Variants in NCOA2 observed in about 807,000 individuals in gnomAD.
NCOA2 encodes the protein class E basic helix-loop-helix protein 75.
NCOA2 carries 21 observed loss-of-function variants against 145.1 expected under a neutral mutation model. The observed-to-expected ratio is 0.14, with a 90% confidence interval of 0.10 to 0.21. The LOEUF is 0.21. NCOA2 is among the 10% of genes least tolerant of loss of function. NCOA2 has a pLI of 1.00. For synonymous variants in NCOA2, 619 were observed against 637.5 expected (o/e 0.97, Z 0.44); for missense variants, 1,472 against 1,837.6 (o/e 0.80, Z 3.64).
At chr8:70,152,787 A>AT (rs1811887646) in intron 11 of NCOA2, among the ~76,000 whole-genome samples, 1 of 152,258 alleles carries the variant, frequency 6.6e-6, no homozygotes. Flanking sequence ...ACTTCCTGTC[A>AT]TTAATAAGTT....
intron 1 of NCOA2, among the ~76,000 whole-genome samples, chr8:70,382,609 T>G (rs369010206): frequency 6.6e-6 from 1 of 152,204 alleles, no homozygotes; most frequent in African/African-American, 2.4e-5. Context: ...GGGAAGCTAG[T>G]AGATATCTAT....
chr8:70,430,794 C>T, the NCOA2 span, among the ~76,000 whole-genome samples: 2 of 152,140 alleles, frequency 1.3e-5, no homozygotes, highest in African/African-American at 4.8e-5. Flanking sequence ...AATGATTTTG[C>T]CGATTATTTT....
At chr8:70,114,948 G>A (rs1348411766) in intron 22 of NCOA2, among the ~76,000 whole-genome samples, 3 of 152,146 alleles carry the variant, frequency 2.0e-5, no homozygotes, top group African/African-American at 7.2e-5. Flanking sequence ...TAAAAAATGA[G>A]CTTAGAATAC....
intron 4 of NCOA2, among the ~76,000 whole-genome samples, chr8:70,212,902 T>C (rs377464517): frequency 4.6e-5 from 7 of 151,706 alleles, no homozygotes; most frequent in African/African-American, 1.7e-4. Flanking sequence ...GCAAACACGG[T>C]GAAACCCTGT....
rs1380669443 is a variant in NCOA2 at position 70,317,951 on chromosome 8, C to CA, written c.-76-21152dup. On this transcript the variant is annotated intron_variant, in intron 1 of 22. Transcript: ENST00000452400. ...AAAAAACAAAAAAAAATGAAGTTTT[C>CA]AAAAAAAATTGTTTATTGCCACTTT... Among the ~76,000 whole-genome samples, 5 of 151,782 alleles carry CA rather than the reference C, an allele frequency of 3.3e-5. No homozygotes were observed. In the East Asian group the frequency reaches 5.8e-4, roughly 18 times the overall value.
At chr8:70,249,857 G>A (rs547347015) in intron 2 of NCOA2, among the ~76,000 whole-genome samples, 20 of 150,448 alleles carry the variant, frequency 1.3e-4, no homozygotes, top group Admixed American at 4.7e-4. Flanking sequence ...CCAGCTACTC[G>A]GAGGCTAAGG....
intron 11 of NCOA2, among the ~76,000 whole-genome samples, chr8:70,152,450 T>C (rs2132119213): frequency 6.6e-6 from 1 of 152,344 alleles, no homozygotes; most frequent in East Asian, 1.9e-4. Flanking sequence ...CTACCACATC[T>C]GGAGAGAAAT....
intron 1 of NCOA2, among the ~76,000 whole-genome samples, chr8:70,317,856 T>A (rs1805731122): frequency 6.6e-6 from 1 of 152,038 alleles, no homozygotes; most frequent in Non-Finnish European, 1.5e-5. Flanking sequence ...GGCCAGGAAT[T>A]CGAGGCTGCA....
chr8:70,387,707 G>T, intron 1 of NCOA2, among the ~76,000 whole-genome samples: 1 of 151,778 alleles, frequency 6.6e-6, no homozygotes, highest in Non-Finnish European at 1.5e-5. Context: ...GGGGATAGAG[G>T]GGGAGGGCGG....
intron 2 of NCOA2, among the ~76,000 whole-genome samples, chr8:70,274,637 C>T (rs1428104871): frequency 6.6e-6 from 1 of 152,170 alleles, no homozygotes; most frequent in Non-Finnish European, 1.5e-5. Context: ...ATTCATATTA[C>T]AAATACAGTC....
intron 1 of NCOA2, among the ~76,000 whole-genome samples, chr8:70,352,901 T>C (rs1420288491): frequency 6.6e-6 from 1 of 152,174 alleles, no homozygotes; most frequent in Non-Finnish European, 1.5e-5. Flanking sequence ...AATCTGGCCA[T>C]CCTGGCAGCA....
At chr8:70,172,637 G>A (rs1478598296) in intron 5 of NCOA2, among the ~76,000 whole-genome samples, 1 of 152,226 alleles carries the variant, frequency 6.6e-6, no homozygotes, top group East Asian at 1.9e-4. Context: ...CTGTGTGCAA[G>A]TGTGTGCACT....
the NCOA2 span, among the ~76,000 whole-genome samples, chr8:70,441,812 GAAAGAAGAAAGAAGA>G: frequency 6.2e-3 from 868 of 140,198 alleles, 6 homozygotes; most frequent in African/African-American, 0.021. Flanking sequence ...AAGAAAGAAA[GAAAGAAGAAAGAAGA>G]AAGAAAGAAA....
intron 4 of NCOA2, among the ~76,000 whole-genome samples, chr8:70,203,707 C>T (rs1247600811): frequency 6.6e-6 from 1 of 152,160 alleles, no homozygotes; most frequent in East Asian, 1.9e-4. Flanking sequence ...TGTTTAAACT[C>T]TTCTCCCTAC....
intron 2 of NCOA2, among the ~76,000 whole-genome samples, chr8:70,227,264 C>G (rs181386113): frequency 1.3e-5 from 2 of 152,260 alleles, no homozygotes; most frequent in African/African-American, 4.8e-5. Context: ...GGTTCTTTAC[C>G]TCAATCAAAC....
chr8:70,169,498 A>G (rs1460385535), intron 6 of NCOA2, among the ~76,000 whole-genome samples: 2 of 152,256 alleles, frequency 1.3e-5, no homozygotes, highest in Non-Finnish European at 2.9e-5. Flanking sequence ...AGGACTCAAA[A>G]TACGCTGAAT....
intron 21 of NCOA2, among the ~76,000 whole-genome samples, chr8:70,121,865 A>G (rs544076257): frequency 1.3e-5 from 2 of 152,390 alleles, no homozygotes; most frequent in East Asian, 3.9e-4. Context: ...CAAATGGACT[A>G]TTCATTTGCA....
intron 2 of NCOA2, among the ~76,000 whole-genome samples, chr8:70,281,460 C>T (rs1482994917): frequency 6.6e-6 from 1 of 150,908 alleles, no homozygotes; most frequent in Non-Finnish European, 1.5e-5. Flanking sequence ...ACTTAGGGAG[C>T]ATAAGCAGCT....
chr8:70,117,541 A>G (rs190512487), intron 22 of NCOA2, among the ~76,000 whole-genome samples: 1 of 152,354 alleles, frequency 6.6e-6, no homozygotes, highest in African/African-American at 2.4e-5. Flanking sequence ...TGTCCCTTCA[A>G]GATCTAAATA....
Sources: allele counts gnomAD v4.1 joint callset (sites outside exome capture counted in the v4.1 genomes callset), GRCh38; gene constraint gnomAD v4.1.1; transcripts MANE v1.5; gene names NCBI Gene and HGNC (gene_info 2026-07-23, HGNC 2026-07-21).